Variants in OTOA observed in about 807,000 individuals in gnomAD.
OTOA encodes otoancorin.
Under a neutral mutation model 110.8 loss-of-function variants are expected in OTOA, and 70 were observed. The observed-to-expected ratio is 0.63, with a 90% confidence interval of 0.52 to 0.77. The LOEUF is 0.77. Among genes scored for constraint, OTOA ranks in the 30% least tolerant of loss-of-function variants. OTOA has a pLI of 0.00. For missense variants in OTOA, 917 were observed against 1,075.8 expected, an observed-to-expected ratio of 0.85 and a Z score of 2.06; for synonymous variants, 373 against 431.5, an observed-to-expected ratio of 0.86 and a Z score of 1.68.
At chr16:21,732,660 A>G (rs1899154023) in intron 21 of OTOA, among the ~76,000 whole-genome samples, 1 of 152,128 alleles carries the variant, frequency 6.6e-6, no homozygotes, top group South Asian at 2.1e-4. Flanking sequence ...TCTCAAAAAC[A>G]CAGTGTAGAG....
chr16:21,724,408 G>A (rs978784926), intron 18 of OTOA, among the ~76,000 whole-genome samples: 2 of 152,104 alleles, frequency 1.3e-5, no homozygotes, highest in African/African-American at 4.8e-5. Flanking sequence ...ATCACTCTGG[G>A]AACACATGGG....
chr16:21,699,282 C>T (rs992605138), intron 10 of OTOA, among the ~76,000 whole-genome samples: 57 of 152,194 alleles, frequency 3.7e-4, no homozygotes, highest in African/African-American at 1.3e-3. Flanking sequence ...ACAAAGAGTA[C>T]GATCCACAAA....
At chr16:21,684,562 G>A in intron 6 of OTOA, 3 of 1,544,186 alleles carry the variant, frequency 1.9e-6, no homozygotes, top group Non-Finnish European at 2.6e-6. Context: ...GGCAGGCCAT[G>A]GAATGGGGGA....
At chr16:21,735,546 A>G (rs564024676) in intron 21 of OTOA, among the ~76,000 whole-genome samples, 7 of 152,228 alleles carry the variant, frequency 4.6e-5, no homozygotes, top group African/African-American at 7.2e-5. Flanking sequence ...AGTTTAGTAA[A>G]AACTTAGAAA....
rs748373663 is a variant in OTOA at position 21,678,931 on chromosome 16, G to A, written c.108G>A (p.Leu36=). Residue 36 remains leucine, a synonymous_variant, in exon 3 of 29, where the codon TTG becomes TTA. Transcript: ENST00000646100. ...PNSRQDLHPL[L]QNMAEEIIDG... Reference sequence around the variant, plus strand: ...TTCTTACAGATTTGCATCCATTGTTGCAAAACATGGCGGTGAGTATTCTAT... The same window carrying A: ...TTCTTACAGATTTGCATCCATTGTTACAAAACATGGCGGTGAGTATTCTAT... The A allele has an allele frequency of 4.3e-6, 7 of 1,613,570 alleles. No individual in the cohort carries two copies. The highest frequency in any genetic ancestry group is 3.3e-4 in the Middle Eastern group (2 of 6,056).
At chr16:21,679,650 C>T (rs896358764) in intron 5 of OTOA, among the ~76,000 whole-genome samples, 12 of 152,254 alleles carry the variant, frequency 7.9e-5, no homozygotes, top group East Asian at 5.8e-4. Context: ...GGTGATCTGC[C>T]GGCCTCAGCC....
At position 21,715,095 on chromosome 16, in the gene OTOA, C is replaced by A; in HGVS notation, c.1431C>A (p.Ala477=). The change falls in exon 14 of 29, where the codon GCC becomes GCA. Residue 477 remains alanine, a synonymous_variant. Coordinates refer to ENST00000646100, the MANE Select transcript of OTOA (RefSeq NM_144672.4). ...ACATCTCGCAGGTCCTGAGAAGTGC[C>A]GTCTCCCAGTATGTATCCGACTTGT... ...RKDISQVLRS[A]VSQYVSDLSP... 6.2e-7 allele frequency: 1 copy of A among 1,614,220 alleles called. No individual in the cohort carries two copies. Among genetic ancestry groups the A allele is most frequent in the Non-Finnish European group, 8.5e-7 (1 of 1,180,038 alleles).
intron 7 of OTOA, among the ~76,000 whole-genome samples, chr16:21,686,537 C>A (rs1030339804): frequency 6.6e-6 from 1 of 152,032 alleles, no homozygotes; most frequent in Non-Finnish European, 1.5e-5. Context: ...AAGCGATCAA[C>A]CTGCCTCAGC....
At chr16:21,686,722 C>CA (rs1176763257) in intron 7 of OTOA, among the ~76,000 whole-genome samples, 1 of 151,916 alleles carries the variant, frequency 6.6e-6, no homozygotes, top group Non-Finnish European at 1.5e-5. Context: ...GACAACATGG[C>CA]AAAACTCCAT....
At chr16:21,727,929 A>G (rs1255377349) in intron 19 of OTOA, among the ~76,000 whole-genome samples, 2 of 149,678 alleles carry the variant, frequency 1.3e-5, no homozygotes, top group Non-Finnish European at 3.0e-5. Context: ...TGGCATGATC[A>G]TCTAGGCTCA....
intron 21 of OTOA, among the ~76,000 whole-genome samples, chr16:21,731,830 G>A (rs560396063): frequency 1.3e-5 from 2 of 152,342 alleles, no homozygotes; most frequent in African/African-American, 4.8e-5. Context: ...CACATGCTCA[G>A]CAGGGCCTGA....
chr16:21,695,231 C>G lies in OTOA; in HGVS notation c.740-2544C>G, dbSNP rs116531483. On this transcript the variant is annotated intron_variant, in intron 9 of 28. Transcript: ENST00000646100. ...CCTGGGCAATGTAGTGAGACCCCCC[C>G]CCCCCATACAAAAAAATTAAAAGAT... 6.9e-3 allele frequency among the ~76,000 whole-genome samples: 1,016 copies of G among 146,492 alleles called. 31 individuals carry two copies. The highest frequency in any genetic ancestry group is 0.025 in the African/African-American group (981 of 39,506).
At chr16:21,736,452 C>G in intron 22 of OTOA, 62 bp downstream of exon 22, 2 of 1,602,918 alleles carry the variant, frequency 1.2e-6, no homozygotes, top group South Asian at 1.1e-5. Flanking sequence ...TGGGCAGGGT[C>G]CCTGACATCA....
At chr16:21,682,917 A>C (rs768441392) in intron 6 of OTOA, among the ~76,000 whole-genome samples, 2 of 152,198 alleles carry the variant, frequency 1.3e-5, no homozygotes, top group Non-Finnish European at 2.9e-5. Context: ...TTGGCCCCAC[A>C]TGGCATCTGC....
Position 21,705,200 on chromosome 16 carries a change from C to T in OTOA, c.1012C>T (p.Leu338=). 1 of 1,614,162 alleles carries T rather than the reference C, an allele frequency of 6.2e-7. No individual in the cohort carries two copies. The highest frequency in any genetic ancestry group is 8.5e-7 in the Non-Finnish European group (1 of 1,180,036). Residue 338 remains leucine, a synonymous_variant, in exon 12 of 29, where the codon CTG becomes TTG. Transcript: ENST00000646100. ...GCTGCTGGTTTGTTTCTACAATGAC[C>T]TGGAATTGCTGGATGCCACTGTGGC... ...LGLLVCFYND[L]ELLDATVAQV...
intron 21 of OTOA, among the ~76,000 whole-genome samples, chr16:21,731,400 A>T (rs538307389): frequency 3.3e-5 from 5 of 152,260 alleles, no homozygotes; most frequent in Admixed American, 3.3e-4. Context: ...ACCAAGGGGC[A>T]TGCAAAATAA....
chr16:21,673,264 T>A (rs1232501200), intron 1 of OTOA, among the ~76,000 whole-genome samples: 3 of 152,244 alleles, frequency 2.0e-5, no homozygotes, highest in African/African-American at 7.2e-5. Context: ...GTAACAATAG[T>A]ACCATATAAA....
chr16:21,716,128 T>G (rs1898546055), intron 14 of OTOA, among the ~76,000 whole-genome samples: 1 of 151,938 alleles, frequency 6.6e-6, no homozygotes, highest in Admixed American at 6.6e-5. Flanking sequence ...CTCAAACTCC[T>G]GGGCTCAAGT....
chr16:21,679,233 G>A, intron 5 of OTOA, 22 bp downstream of exon 5: 4 of 1,609,498 alleles, frequency 2.5e-6, no homozygotes, highest in Non-Finnish European at 3.4e-6. Context: ...TAGAGGAGAG[G>A]GGAAGGGATG....
Sources: gnomAD v4.1 joint callset for allele counts (sites outside exome capture counted in the v4.1 genomes callset) on GRCh38, gnomAD v4.1.1 for gene constraint, MANE v1.5 for transcripts, NCBI Gene and HGNC (gene_info 2026-07-23, HGNC 2026-07-21) for gene names.